WWC1: variants seen among roughly 807,000 people sequenced by gnomAD.
The protein encoded by WWC1 is protein KIBRA.
In WWC1, 55 loss-of-function variants were observed where a neutral mutation model predicts 138.4. That is an observed-to-expected ratio of 0.40 (90% CI 0.32 to 0.50). The LOEUF is 0.50. Among genes scored for constraint, WWC1 ranks in the 20% least tolerant of loss-of-function variants. The pLI, the probability that WWC1 is intolerant of heterozygous loss-of-function variation, is 0.72. For missense variants in WWC1, 1,226 were observed against 1,420.4 expected (o/e 0.86, Z 2.20); for synonymous variants, 524 against 564.9 (o/e 0.93, Z 1.03).
intron 16 of WWC1, among the ~76,000 whole-genome samples, chr5:168,443,743 G>A (rs1754996707): frequency 6.6e-6 from 1 of 152,202 alleles, no homozygotes; most frequent in African/African-American, 2.4e-5. Context: ...CTTCTTACAA[G>A]AAAATGTCAG....
At chr5:168,297,626 CAAAAA>C (rs70976474) in intron 1 of WWC1, among the ~76,000 whole-genome samples, 1 of 54,776 alleles carries the variant, frequency 1.8e-5, no homozygotes, top group Non-Finnish European at 3.7e-5. Flanking sequence ...AACTCCATCT[CAAAAA>C]AAAAAAAAAA....
chr5:168,407,640 AGC>A (rs2152838360), intron 6 of WWC1, among the ~76,000 whole-genome samples: 1 of 152,294 alleles, frequency 6.6e-6, no homozygotes, highest in African/African-American at 2.4e-5. Flanking sequence ...TGGAGCCTTA[AGC>A]CAGATAGACC....
chr5:168,452,566 T>G (rs986417210), intron 17 of WWC1, among the ~76,000 whole-genome samples: 1 of 152,236 alleles, frequency 6.6e-6, no homozygotes, highest in Non-Finnish European at 1.5e-5. Context: ...CCTCCAGGAC[T>G]GCCAGAAATC....
At chr5:168,442,217 A>C (rs941702236) in intron 16 of WWC1, among the ~76,000 whole-genome samples, 2 of 152,206 alleles carry the variant, frequency 1.3e-5, no homozygotes, top group Non-Finnish European at 2.9e-5. Flanking sequence ...TATAAGAGGC[A>C]GCTAGAAATC....
intron 9 of WWC1, among the ~76,000 whole-genome samples, chr5:168,419,718 G>A (rs1435170110): frequency 2.6e-5 from 4 of 152,182 alleles, no homozygotes; most frequent in Admixed American, 1.3e-4. Flanking sequence ...ACGAGTTTGT[G>A]AGGGCACAGG....
At chr5:168,296,909 G>A (rs953162829) in intron 1 of WWC1, among the ~76,000 whole-genome samples, 1 of 152,188 alleles carries the variant, frequency 6.6e-6, no homozygotes, top group Non-Finnish European at 1.5e-5. Context: ...TTGGGAAATG[G>A]AGCCAAAACA....
chr5:168,368,637 C>T (rs551841819), intron 1 of WWC1, among the ~76,000 whole-genome samples: 88 of 152,298 alleles, frequency 5.8e-4, no homozygotes, highest in Non-Finnish European at 1.0e-3. Context: ...CATGGAGTCA[C>T]TCCCCATGGA....
intron 3 of WWC1, among the ~76,000 whole-genome samples, chr5:168,391,772 T>TAAAC: frequency 7.2e-6 from 1 of 138,654 alleles, no homozygotes; most frequent in South Asian, 2.3e-4. Context: ...TATATATATA[T>TAAAC]ATATATATAT....
intron 20 of WWC1, among the ~76,000 whole-genome samples, chr5:168,462,758 G>T (rs1756925776): frequency 6.6e-6 from 1 of 152,240 alleles, no homozygotes; most frequent in Admixed American, 6.5e-5. Flanking sequence ...TCCAGAGGCT[G>T]GGCCTGGGCC....
chr5:168,430,315 T>C, intron 14 of WWC1, 92 bp downstream of exon 14: 2 of 1,050,050 alleles, frequency 1.9e-6, no homozygotes, highest in Non-Finnish European at 2.8e-6. Context: ...GATCCAGTTA[T>C]GGGCCTTGTC....
At chr5:168,405,518 T>C (rs1227654311) in intron 5 of WWC1, among the ~76,000 whole-genome samples, 1 of 152,118 alleles carries the variant, frequency 6.6e-6, no homozygotes, top group African/African-American at 2.4e-5. Context: ...TATCACACAA[T>C]GTAACGACTG....
Position 168,456,879 on chromosome 5 carries a change from C to T in WWC1, c.2823+1359C>T, listed in dbSNP as rs182810089. ...AAATGGGAGATATAAGATAGAAGAA[C>T]TTTGGTGAAATATTTATCTTTTCCA... On this transcript the variant is annotated intron_variant, in intron 19 of 22. Transcript: ENST00000265293. 2.5e-3 allele frequency among the ~76,000 whole-genome samples: 387 copies of T among 152,174 alleles called. 1 individual carries two copies. Among genetic ancestry groups the T allele is most frequent in the African/African-American group, 8.5e-3 (354 of 41,534 alleles).
At chr5:168,356,409 C>T (rs1775424467) in intron 1 of WWC1, among the ~76,000 whole-genome samples, 1 of 152,240 alleles carries the variant, frequency 6.6e-6, no homozygotes, top group African/African-American at 2.4e-5. Context: ...GCTCCCCTGG[C>T]CTCCAGGCTC....
intron 8 of WWC1, chr5:168,412,240 C>T: frequency 1.0e-6 from 1 of 964,912 alleles, no homozygotes; most frequent in Non-Finnish European, 1.2e-6. Context: ...CTCTTGCTTG[C>T]CCCTCCACCC....
chr5:168,444,876 A>AAAG (rs397828972), intron 17 of WWC1, among the ~76,000 whole-genome samples: 2 of 151,444 alleles, frequency 1.3e-5, no homozygotes, highest in East Asian at 3.9e-4. Context: ...AAAAAAAAAA[A>AAAG]GTAAAGAAAC....
At chr5:168,349,290 C>T (rs981627430) in intron 1 of WWC1, among the ~76,000 whole-genome samples, 3 of 152,134 alleles carry the variant, frequency 2.0e-5, no homozygotes, top group African/African-American at 7.2e-5. Context: ...CCACCCAGTT[C>T]TCTTCCCACC....
chr5:168,339,836 CT>C (rs796249400), intron 1 of WWC1, among the ~76,000 whole-genome samples: 88 of 109,154 alleles, frequency 8.1e-4, no homozygotes, highest in South Asian at 2.2e-3. Context: ...CTTTCTTTTT[CT>C]TTTCTTTCTT....
chr5:168,408,578 C>A lies in WWC1; in HGVS notation c.792C>A (p.Ser264Arg). 6.2e-7 allele frequency: 1 copy of A among 1,614,218 alleles called. No homozygotes were observed. Among genetic ancestry groups the A allele is most frequent in the Non-Finnish European group, 8.5e-7 (1 of 1,180,044 alleles). Residue 264 changes from serine (S) to arginine (R), a missense_variant, in exon 7 of 23, where the codon AGC (serine) becomes AGA (arginine). Transcript: ENST00000265293. ...ACTCAGACCTGTGGTCCAGCAGCAG[C>A]TCTCTGGAGAGTTCGAGTTTCCCGC... ...GSHSDLWSSS[S>R]SLESSSFPLP...
rs556184638 is a variant in WWC1, at chr5:168,446,055, T to G, written c.2525+1470T>G. On this transcript the variant is annotated intron_variant, in intron 17 of 22. Transcript: ENST00000265293. Reference sequence around the variant, plus strand: ...GAGACTGGAGAATGAGGTCTGTTATTTGGGTACAAAAATCAAATTTCTGTT... The same window carrying G: ...GAGACTGGAGAATGAGGTCTGTTATGTGGGTACAAAAATCAAATTTCTGTT... Among the ~76,000 whole-genome samples the G allele has an allele frequency of 2.0e-5, 3 of 151,222 alleles. No individual in the cohort carries two copies. The East Asian group carries it at 5.8e-4, about 29-fold the overall frequency.
Sources: gnomAD v4.1 joint callset for allele counts (sites outside exome capture counted in the v4.1 genomes callset) on GRCh38, gnomAD v4.1.1 for gene constraint, MANE v1.5 for transcripts, NCBI Gene and HGNC (gene_info 2026-07-23, HGNC 2026-07-21) for gene names.